NDUFAF6: variants seen among roughly 807,000 people sequenced by gnomAD.
NDUFAF6 encodes NADH dehydrogenase (ubiquinone) complex I, assembly factor 6.
A neutral mutation model predicts 40.8 loss-of-function variants in NDUFAF6; 45 were observed. That is an observed-to-expected ratio of 1.10 (90% confidence interval 0.87 to 1.42). The LOEUF is 1.42. NDUFAF6 is among the 40% of genes most tolerant of loss of function. The probability of loss-of-function intolerance (pLI) is 0.00; values close to 1 mark genes in which losing one functional copy is unlikely to be tolerated. For synonymous variants in NDUFAF6, 185 were observed against 155.9 expected, an observed-to-expected ratio of 1.19 and a Z score of -1.39; for missense variants, 435 against 418.5, an observed-to-expected ratio of 1.04 and a Z score of -0.34.
intron 4 of NDUFAF6, among the ~76,000 whole-genome samples, chr8:95,113,527 G>C (rs1019820509): frequency 2.6e-5 from 4 of 152,216 alleles, no homozygotes; most frequent in African/African-American, 9.6e-5. Context: ...GTTCCGGGAG[G>C]TGAGAACTTG....
chr8:95,035,671 A>G (rs1456025361), intron 3 of NDUFAF6, 95 bp downstream of exon 3: 3 of 1,213,226 alleles, frequency 2.5e-6, no homozygotes, highest in South Asian at 1.3e-5. Context: ...TTATAGTGGA[A>G]TCTATTCTGA....
intron 2 of NDUFAF6, among the ~76,000 whole-genome samples, chr8:94,997,576 T>A (rs1826513580): frequency 6.6e-6 from 1 of 152,184 alleles, no homozygotes; most frequent in Non-Finnish European, 1.5e-5. Flanking sequence ...CCATTCTTGT[T>A]CCAACATGTA....
intron 2 of NDUFAF6, among the ~76,000 whole-genome samples, chr8:95,003,623 G>A (rs1051818006): frequency 3.9e-5 from 6 of 152,118 alleles, no homozygotes. Context: ...TTTGTGTCTG[G>A]CTTCACTACC....
chr8:95,115,738 G>A (rs943316518), intron 5 of NDUFAF6: 1 of 152,178 alleles, frequency 6.6e-6, no homozygotes, highest in African/African-American at 2.4e-5. Flanking sequence ...CAGCTTCAAG[G>A]TATCTTTTCA....
At position 95,012,471 on chromosome 8, in the gene NDUFAF6, A is replaced by G. The variant is rs144257629; in HGVS notation, c.-83-19524A>G. On this transcript the variant is annotated intron_variant, in intron 2 of 9. Transcript: ENST00000396111. ...GCTAATACATCTCAATAAATGTCAG[A>G]TGGGGCATTTCTAATATTTGAAGGC... is the stretch of plus-strand genomic sequence containing the variant. Among the ~76,000 whole-genome samples, 216 of 152,258 alleles carry G rather than the reference A, an allele frequency of 1.4e-3. 1 individual carries two copies. The highest frequency in any genetic ancestry group is 5.0e-3 in the African/African-American group (208 of 41,544).
At chr8:95,093,097 A>G (rs1014894626) in intron 2 of NDUFAF6, among the ~76,000 whole-genome samples, 4 of 111,160 alleles carry the variant, frequency 3.6e-5, no homozygotes, top group African/African-American at 1.4e-4. Flanking sequence ...CTCACTGGGT[A>G]GCTGTTCTAA....
At chr8:95,069,641 A>G (rs1832786598) in intron 9 of NDUFAF6, among the ~76,000 whole-genome samples, 1 of 150,938 alleles carries the variant, frequency 6.6e-6, no homozygotes, top group Admixed American at 6.6e-5. Flanking sequence ...TTAGTTGGGC[A>G]TGGTGATGGG....
intron 9 of NDUFAF6, chr8:95,066,890 C>T (rs565521824): frequency 6.6e-6 from 1 of 152,296 alleles, no homozygotes; most frequent in Admixed American, 6.5e-5. Context: ...TTGTCCCATC[C>T]AGTTTCCCGA....
At chr8:94,977,183 G>A (rs1426979292) in intron 1 of NDUFAF6, among the ~76,000 whole-genome samples, 1 of 145,880 alleles carries the variant, frequency 6.9e-6, no homozygotes, top group Non-Finnish European at 1.5e-5. Flanking sequence ...TAAATTTTAT[G>A]TTATGCTTTT....
intron 2 of NDUFAF6, among the ~76,000 whole-genome samples, chr8:94,998,758 T>A (rs151207867): frequency 0.01 from 1,539 of 152,306 alleles, 28 homozygotes; most frequent in African/African-American, 0.035. Context: ...TTTGCTCAGA[T>A]GCTGCTTGAG....
At chr8:94,901,379 TG>T (rs549601801) in intron 1 of NDUFAF6, among the ~76,000 whole-genome samples, 56 of 152,000 alleles carry the variant, frequency 3.7e-4, no homozygotes, top group Admixed American at 9.8e-4. Context: ...GGGAGCAGGC[TG>T]GGTGGTGGAG....
upstream of NDUFAF6, among the ~76,000 whole-genome samples, chr8:95,021,318 G>C (rs942841936): frequency 6.6e-6 from 1 of 152,150 alleles, no homozygotes; most frequent in Admixed American, 6.5e-5. Context: ...CAGAAAGAGG[G>C]AACAGCATAA....
intron 1 of NDUFAF6, chr8:94,940,056 C>T: frequency 6.2e-7 from 1 of 1,614,198 alleles, no homozygotes; most frequent in Non-Finnish European, 8.5e-7. Flanking sequence ...CAGCTCTCCT[C>T]CATTGGACAT....
intron 2 of NDUFAF6, among the ~76,000 whole-genome samples, chr8:94,998,379 T>TAC (rs200968954): frequency 0.048 from 6,585 of 138,332 alleles, 184 homozygotes; most frequent in East Asian, 0.094. Context: ...TGCAATCAAA[T>TAC]ACACACACAC....
intron 1 of NDUFAF6, chr8:94,932,088 A>C (rs958226749): frequency 6.2e-7 from 1 of 1,610,670 alleles, no homozygotes; most frequent in Non-Finnish European, 8.5e-7. Context: ...CGTGAGTCTT[A>C]TAAGCAGCTT....
At chr8:95,062,867 A>G (rs562512491), downstream of NDUFAF6, among the ~76,000 whole-genome samples, 1 of 152,350 alleles carries the variant, frequency 6.6e-6, no homozygotes, top group African/African-American at 2.4e-5. Context: ...ATGCTGTAGT[A>G]TAATGTGGGC....
At chr8:94,950,737 G>A (rs1244786236) in intron 2 of NDUFAF6, 2 of 152,136 alleles carry the variant, frequency 1.3e-5, no homozygotes, top group Non-Finnish European at 2.9e-5. Context: ...CACATGCTAT[G>A]GTAGGAGCCC....
intron 1 of NDUFAF6, among the ~76,000 whole-genome samples, chr8:94,923,084 G>C (rs1819615687): frequency 1.3e-5 from 2 of 152,196 alleles, no homozygotes; most frequent in African/African-American, 4.8e-5. Flanking sequence ...AGAAACGATT[G>C]AAAGTTGACA....
At chr8:95,096,017 CCTT>C (rs1434196034), upstream of NDUFAF6, among the ~76,000 whole-genome samples, 1 of 152,162 alleles carries the variant, frequency 6.6e-6, no homozygotes, top group Non-Finnish European at 1.5e-5. Context: ...TATCGTAACA[CCTT>C]CTAAAGCCTA....
Sources: gnomAD v4.1 joint callset for allele counts (sites outside exome capture counted in the v4.1 genomes callset) on GRCh38, gnomAD v4.1.1 for gene constraint, MANE v1.5 for transcripts, NCBI Gene and HGNC (gene_info 2026-07-23, HGNC 2026-07-21) for gene names.